Variants in NISCH observed in about 807,000 individuals in gnomAD.
NISCH encodes the protein I-1 receptor candidate protein.
In NISCH, 55 loss-of-function variants were observed where a neutral mutation model predicts 138.4. The observed-to-expected ratio is 0.40, with a 90% CI of 0.32 to 0.50. The LOEUF (loss-of-function observed/expected upper bound fraction) is 0.50, where lower values mean the gene tolerates loss of function less well. Among genes scored for constraint, NISCH ranks in the 20% least tolerant of loss-of-function variants. The pLI is 0.71. For synonymous variants in NISCH, 860 were observed against 861.5 expected, an observed-to-expected ratio of 1.00 and a Z score of 0.03; for missense variants, 1,643 against 2,005.5, an observed-to-expected ratio of 0.82 and a Z score of 3.45.
rs1052343436 is a variant in NISCH at position 52,466,496 on chromosome 3, C to T, written c.361-4363C>T. 4.0e-5 allele frequency among the ~76,000 whole-genome samples: 6 copies of T among 148,412 alleles called. No individual in the cohort carries two copies. The East Asian group carries it at 7.9e-4, about 20-fold the overall frequency. On this transcript the variant is annotated intron_variant, in intron 3 of 20. Coordinates refer to ENST00000345716, the MANE Select transcript of NISCH (RefSeq NM_007184.4). ...AGGAGAATTGCTTGAACCCAGGAGGCGGAGGTTGTAGTGAGCCGAGATCGC... is the reference window on the plus strand; with the variant it reads ...AGGAGAATTGCTTGAACCCAGGAGGTGGAGGTTGTAGTGAGCCGAGATCGC...
chr3:52,465,784 C>A (rs547374748), intron 3 of NISCH, among the ~76,000 whole-genome samples: 37 of 152,194 alleles, frequency 2.4e-4, no homozygotes, highest in Non-Finnish European at 4.7e-4. Flanking sequence ...AGTCATTTAA[C>A]CTGCCTGTGA....
At chr3:52,491,597 CT>C in intron 20 of NISCH, 84 bp downstream of exon 20, 1 of 1,415,506 alleles carries the variant, frequency 7.1e-7, no homozygotes, top group Non-Finnish European at 9.5e-7. Flanking sequence ...CCCCAGAACC[CT>C]CTCTGCCTCT....
At chr3:52,455,870 T>G (rs1429513366) in intron 1 of NISCH, 136 bp downstream of exon 1, 1 of 573,506 alleles carries the variant, frequency 1.7e-6, no homozygotes, top group African/African-American at 2.0e-5. Context: ...AGGAGGGGGC[T>G]GGGACGGGGG....
Position 52,458,909 on chromosome 3 carries a change from A to G in NISCH, c.360+65A>G, listed in dbSNP as rs1559621423. ...CACAACTGCCAAACTTGAGGCAGCAAACCAGGGGAGACCTCAGCTTTGAGG... is the reference window on the plus strand; with the variant it reads ...CACAACTGCCAAACTTGAGGCAGCAGACCAGGGGAGACCTCAGCTTTGAGG... On this transcript the variant is annotated intron_variant, in intron 3 of 20. Transcript: ENST00000345716. 1.2e-5 allele frequency: 17 copies of G among 1,439,620 alleles called. No individual in the cohort carries two copies. The East Asian group carries it at 3.9e-4, about 33-fold the overall frequency. The allele number at this position is 1,439,620 out of a possible 1,614,324, so 89.2% of individuals were successfully genotyped here. A position where few individuals can be genotyped will look rare whatever the true frequency, so the allele number is the denominator to read the frequency against.
Position 52,455,710 on chromosome 3 carries a change from C to A in NISCH, c.69C>A (p.Gly23=). 1 of 1,367,342 alleles carries A rather than the reference C, an allele frequency of 7.3e-7. No homozygotes were observed. Among genetic ancestry groups the A allele is most frequent in the Non-Finnish European group, 9.5e-7 (1 of 1,049,494 alleles). 84.7% of individuals were successfully genotyped at this position (1,367,342 alleles called of 1,614,324 possible). A position where few individuals can be genotyped will look rare whatever the true frequency, so the allele number is the denominator to read the frequency against. Residue 23 remains glycine (G), a synonymous_variant, in exon 1 of 21, where the codon GGC becomes GGA. Coordinates refer to ENST00000345716, the MANE Select transcript of NISCH (RefSeq NM_007184.4). The part of the protein sequence containing the change: ...AEPAKEARVV[G]SELVDTYTVY... Reference sequence around the variant, plus strand: ...CGGCCAAGGAAGCGCGCGTCGTGGGCTCGGAGCTTGTGGACACTTATACGG... The same window carrying A: ...CGGCCAAGGAAGCGCGCGTCGTGGGATCGGAGCTTGTGGACACTTATACGG...
At chr3:52,470,693 C>A in intron 3 of NISCH, 166 bp from the exon 4 acceptor site, 2 of 663,072 alleles carry the variant, frequency 3.0e-6, no homozygotes, top group South Asian at 1.8e-5. Context: ...ACTTAGTTTC[C>A]CTTTCTAAGC....
Position 52,480,277 on chromosome 3 carries a change from C to G in NISCH, c.1510C>G (p.Pro504Ala). ...VAPASASLPQ[P>A]ILSNQGIMFV... ...TCCCGCATCTGCCTCCCTGCCCCAG[C>G]CCATCCTCTCTAACCAAGGTAATCG... Residue 504 changes from proline to alanine, a missense_variant, in exon 13 of 21, where the codon CCC becomes GCC. Physicochemically the swap from Pro to Ala is conservative, Grantham distance 27. Coordinates refer to ENST00000345716, the MANE Select transcript of NISCH (RefSeq NM_007184.4). 6.2e-7 allele frequency: 1 copy of G among 1,613,924 alleles called. No individual in the cohort carries two copies.
In NISCH at chr3:52,491,254, T is replaced by C. The variant is rs908657498; in HGVS notation, c.3743-98T>C. The C allele has an allele frequency of 3.4e-6, 5 of 1,492,048 alleles. No homozygotes were observed. In the African/African-American group the frequency reaches 7.0e-5, roughly 21 times the overall value. 92.4% of individuals were successfully genotyped at this position (1,492,048 alleles called of 1,614,324 possible). ...TGTGGGCCCTCCTGGCCCTGGCCTC[T>C]GGGCTGAGGCTTGCTAGGGACTCGG... On this transcript the variant is annotated intron_variant, in intron 19 of 20. Coordinates refer to ENST00000345716, the MANE Select transcript of NISCH (RefSeq NM_007184.4).
rs1364640352 is a variant in NISCH at position 52,471,790 on chromosome 3, T to C, written c.410-24T>C. 20 of 1,613,642 alleles carry C rather than the reference T, an allele frequency of 1.2e-5. No individual in the cohort carries two copies. In the Admixed American group the frequency reaches 1.7e-4, roughly 13 times the overall value. On this transcript the variant is annotated intron_variant, in intron 4 of 20. Transcript: ENST00000345716. ...GGCTGGGGCTGCGGCTGGACACTTA[T>C]CCTTCAGGGCATGGCTCTTGCAGGA...
At chr3:52,479,605 G>A in intron 11 of NISCH, 144 bp from the exon 12 acceptor site, 1 of 652,256 alleles carries the variant, frequency 1.5e-6, no homozygotes, top group East Asian at 2.8e-5. Context: ...CTGGCCCACA[G>A]CAGGTGCTCA....
intron 18 of NISCH, 126 bp from the exon 19 acceptor site, chr3:52,490,579 A>G (rs1028589954): frequency 4.7e-5 from 62 of 1,320,554 alleles, no homozygotes; most frequent in African/African-American, 1.9e-4. Flanking sequence ...GGCATTGCCT[A>G]TGGGGCTTTG....
chr3:52,470,451 T>G, intron 3 of NISCH: 1 of 182,832 alleles, frequency 5.5e-6, no homozygotes. Flanking sequence ...ACCAGGGTGA[T>G]AAGAGCCTCT....
chr3:52,490,862 T>C (rs376310009), intron 19 of NISCH, 29 bp downstream of exon 19: 343 of 1,612,702 alleles, frequency 2.1e-4, no homozygotes, highest in Middle Eastern at 4.9e-4. Flanking sequence ...TTTGTCCTAT[T>C]TCGGGTGAAG....
intron 3 of NISCH, among the ~76,000 whole-genome samples, chr3:52,463,072 T>C (rs1158161629): frequency 6.6e-6 from 1 of 152,216 alleles, no homozygotes; most frequent in Non-Finnish European, 1.5e-5. Flanking sequence ...GAACATTTCA[T>C]CAGCCCAAAA....
rs1023774046 is a variant in NISCH at position 52,489,652 on chromosome 3, G to A, written c.3430G>A (p.Glu1144Lys). 1.8e-5 allele frequency: 29 copies of A among 1,612,522 alleles called. No individual in the cohort carries two copies. Among genetic ancestry groups the A allele is most frequent in the Admixed American group, 3.3e-5 (2 of 59,974 alleles). Residue 1144 changes from glutamate to lysine, a missense_variant, in exon 17 of 21, where the codon GAG (glutamate) becomes AAG (lysine). Transcript: ENST00000345716. ...VASLRGSAII[E>K]LFHSSIAEVE... is the part of the protein sequence containing the mutation. ...CAGCCTGCGGGGCAGCGCCATCATC[G>A]AGCTCTTCCACAGCAGCATTGCTGA...
intron 3 of NISCH, among the ~76,000 whole-genome samples, chr3:52,463,754 C>T (rs535340438): frequency 8.0e-5 from 10 of 124,852 alleles, no homozygotes; most frequent in South Asian, 2.9e-4. Flanking sequence ...GACAGAGTCT[C>T]GCTCTGTCGC....
rs1306218222 is a variant in NISCH, at chr3:52,472,388, A to G, written c.659A>G (p.His220Arg). 2.5e-6 allele frequency: 4 copies of G among 1,613,954 alleles called. No individual in the cohort carries two copies. The highest frequency in any genetic ancestry group is 1.3e-5 in the African/African-American group (1 of 74,934). ...GACCTATCAATATTCAAGTCCCTGC[A>G]TCAGGTGGAGGTAAGGCCCAGCGCT... Reference protein sequence around the residue: ...PFDLSIFKSLHQVEISHCDAK... With the variant: ...PFDLSIFKSLRQVEISHCDAK... The change falls in exon 6 of 21, where the codon CAT (histidine) becomes CGT (arginine). Residue 220 changes from histidine to arginine, a missense_variant. Transcript: ENST00000345716.
intron 3 of NISCH, among the ~76,000 whole-genome samples, chr3:52,465,096 G>A (rs1706744852): frequency 6.6e-6 from 1 of 152,152 alleles, no homozygotes; most frequent in Admixed American, 6.5e-5. Context: ...CCCAATCCAA[G>A]GTCACAAAGA....
intron 1 of NISCH, 36 bp downstream of exon 1, chr3:52,455,770 G>C (rs1706446543): frequency 7.6e-7 from 1 of 1,320,192 alleles, no homozygotes; most frequent in African/African-American, 1.5e-5. Context: ...AGCGGGGGTG[G>C]TGGCTGGAAC....
Sources: allele counts gnomAD v4.1 joint callset (sites outside exome capture counted in the v4.1 genomes callset), GRCh38; gene constraint gnomAD v4.1.1; transcripts MANE v1.5; gene names NCBI Gene and HGNC (gene_info 2026-07-23, HGNC 2026-07-21).